ABCC11: variants seen among roughly 807,000 people sequenced by gnomAD.
ABCC11 encodes ATP-binding cassette sub-family C member 11.
In ABCC11, 135 loss-of-function variants were observed where a neutral mutation model predicts 149.3. The ratio of observed to expected loss-of-function variants is 0.90; its 90% CI spans 0.79 to 1.04. The LOEUF (loss-of-function observed/expected upper bound fraction) is 1.04, where lower values mean the gene tolerates loss of function less well. Among genes scored for constraint, ABCC11 ranks in the 50% least tolerant of loss-of-function variants. The pLI, the probability that ABCC11 is intolerant of heterozygous loss-of-function variation, is 0.00. For missense variants in ABCC11, 1,680 were observed against 1,722.1 expected, an observed-to-expected ratio of 0.98 and a Z score of 0.43; for synonymous variants, 665 against 671.4, an observed-to-expected ratio of 0.99 and a Z score of 0.15.
chr16:48,173,117 A>C (rs955968326), intron 26 of ABCC11, among the ~76,000 whole-genome samples: 5 of 152,004 alleles, frequency 3.3e-5, no homozygotes, highest in Non-Finnish European at 7.4e-5. Context: ...AGATGGGTAT[A>C]CTCCTTTCTT....
intron 1 of ABCC11, among the ~76,000 whole-genome samples, chr16:48,237,508 C>T (rs1363814301): frequency 6.6e-6 from 1 of 152,234 alleles, no homozygotes; most frequent in African/African-American, 2.4e-5. Flanking sequence ...CAACTGCAAC[C>T]ACCTCCTGAC....
intron 1 of ABCC11, among the ~76,000 whole-genome samples, chr16:48,235,668 T>C (rs1970652367): frequency 6.6e-6 from 1 of 152,144 alleles, no homozygotes; most frequent in South Asian, 2.1e-4. Context: ...GACTCCCAAT[T>C]CTCTTTCCGG....
Position 48,231,944 on chromosome 16 carries a change from G to A in ABCC11, c.-18-5C>T, listed in dbSNP as rs746625918. 5.4e-5 allele frequency: 87 copies of A among 1,613,618 alleles called. No homozygotes were observed. The highest frequency in any genetic ancestry group is 1.2e-4 in the Admixed American group (7 of 59,948). ...CATTTTCAGTTCCTGCCAATTCTTC[G>A]TTTCCCAGAATCAGAGAATATGAAA... On this transcript the variant is annotated splice_polypyrimidine_tract_variant and splice_region_variant and intron_variant, in intron 1 of 29. Coordinates refer to ENST00000356608, the MANE Select transcript of ABCC11 (RefSeq NM_001370497.1).
In ABCC11 at chr16:48,231,273, A is replaced by G. The variant is rs1157723044; in HGVS notation, c.99+550T>C. 5.3e-5 allele frequency among the ~76,000 whole-genome samples: 8 copies of G among 152,302 alleles called. No individual in the cohort carries two copies. In the South Asian group the frequency reaches 1.0e-3, roughly 20 times the overall value. On this transcript the variant is annotated intron_variant, in intron 2 of 29. Coordinates refer to ENST00000356608, the MANE Select transcript of ABCC11 (RefSeq NM_001370497.1). ...GAGAGATAGATACAATCTAATCTCT[A>G]TATAATATTATGCATAGAGATATGC... is the stretch of plus-strand genomic sequence containing the variant.
At chr16:48,202,750 CTGAGA>C (rs1968101764) in intron 14 of ABCC11, among the ~76,000 whole-genome samples, 1 of 152,136 alleles carries the variant, frequency 6.6e-6, no homozygotes, top group Non-Finnish European at 1.5e-5. Flanking sequence ...GTTCAACAGA[CTGAGA>C]TATTATTAGA....
In ABCC11 at chr16:48,208,924, G is replaced by C. The variant is rs185132049; in HGVS notation, c.1609-428C>G. On this transcript the variant is annotated intron_variant, in intron 11 of 29. Coordinates refer to ENST00000356608, the MANE Select transcript of ABCC11 (RefSeq NM_001370497.1). ...GAAGCATTCATTCACCCATCAAATA[G>C]TGATCTGAGTTTCCTCTATGGACCT... Among the ~76,000 whole-genome samples the C allele has an allele frequency of 7.4e-4, 113 of 152,322 alleles. 1 individual carries two copies. The highest frequency in any genetic ancestry group is 2.2e-3 in the Admixed American group (34 of 15,304).
intron 1 of ABCC11, chr16:48,244,706 C>T: frequency 9.9e-7 from 1 of 1,005,822 alleles, no homozygotes; most frequent in South Asian, 2.7e-5. Context: ...GCCTTGAGCG[C>T]GAGGCTCAGT....
In ABCC11 at chr16:48,208,481, C is replaced by T; in HGVS notation, c.1624G>A (p.Val542Ile). 1 of 1,614,182 alleles carries T rather than the reference C, an allele frequency of 6.2e-7. No individual in the cohort carries two copies. The highest frequency in any genetic ancestry group is 1.1e-5 in the South Asian group (1 of 91,076). The change falls in exon 12 of 30, where the codon GTC becomes ATC. Residue 542 changes from valine to isoleucine, a missense_variant. Coordinates refer to ENST00000356608, the MANE Select transcript of ABCC11 (RefSeq NM_001370497.1). ...TTACCACTCCCCGTGTTGCCGCAGACCCCTAACATCATCCCCTGCAAGCCA... is the reference window on the plus strand; with the variant it reads ...TTACCACTCCCCGTGTTGCCGCAGATCCCTAACATCATCCCCTGCAAGCCA... ...LVVSKGMMLG[V>I]CGNTGSGKSS...
intron 26 of ABCC11, among the ~76,000 whole-genome samples, chr16:48,174,571 G>C (rs1965917923): frequency 6.6e-6 from 1 of 152,206 alleles, no homozygotes; most frequent in South Asian, 2.1e-4. Flanking sequence ...GAAGAGGCTG[G>C]AAGATCTGGT....
intron 1 of ABCC11, among the ~76,000 whole-genome samples, chr16:48,233,307 CA>C (rs1970524623): frequency 1.3e-5 from 2 of 152,194 alleles, no homozygotes; most frequent in South Asian, 4.1e-4. Flanking sequence ...TTCTTTGTCC[CA>C]CTCCTTCCCA....
chr16:48,200,583 C>A, intron 14 of ABCC11, 104 bp from the exon 15 acceptor site: 1 of 1,144,868 alleles, frequency 8.7e-7, no homozygotes, highest in Non-Finnish European at 1.2e-6. Context: ...CAGTACAGAC[C>A]AAGATATGCA....
Position 48,184,474 on chromosome 16 carries a change from G to T in ABCC11, c.3224C>A (p.Ser1075Tyr), listed in dbSNP as rs758398419. 1 of 1,614,222 alleles carries T rather than the reference G, an allele frequency of 6.2e-7. No individual in the cohort carries two copies. Among genetic ancestry groups the T allele is most frequent in the East Asian group, 2.2e-5 (1 of 44,888 alleles). The change falls in exon 23 of 30, where the codon TCC becomes TAC. Residue 1075 changes from serine to tyrosine, a missense_variant. Transcript: ENST00000356608. ...VAFGISSTPY[S>Y]FKVMAVNIVL... ...GATGTTGACAGCCATGACTTTAAAG[G>T]AGTAGGGGGTGGAGGAAATGCCAAA...
In ABCC11 at chr16:48,192,596, C is replaced by A. The variant is rs1236695582; in HGVS notation, c.2630G>T (p.Gly877Val). 2 of 1,614,064 alleles carry A rather than the reference C, an allele frequency of 1.2e-6. No individual in the cohort carries two copies. The highest frequency in any genetic ancestry group is 1.7e-6 in the Non-Finnish European group (2 of 1,180,038). The stretch of plus-strand genomic sequence containing the variant: ...GGTGAAAATCCCTGAGGAGCAGACC[C>A]CCACACAGATGAGGAGCAGGGCGTT... Reference protein sequence around the residue: ...GLNALLLICVGVCSSGIFTKV... With the variant: ...GLNALLLICVVVCSSGIFTKV... The change falls in exon 20 of 30, where the codon GGG becomes GTG. Residue 877 changes from glycine to valine, a missense_variant. Physicochemically the swap from Gly to Val is moderately radical, Grantham distance 109 (BLOSUM62 -3). Transcript: ENST00000356608.
intron 23 of ABCC11, among the ~76,000 whole-genome samples, chr16:48,180,558 A>G (rs780038685): frequency 2.6e-5 from 4 of 152,256 alleles, no homozygotes; most frequent in Non-Finnish European, 5.9e-5. Context: ...AGCCAGATGC[A>G]TCTCTGGCAT....
rs751595128 is a variant in ABCC11, at chr16:48,193,892, T to G, written c.2495A>C (p.Glu832Ala). ...CATGGCACTCACCCCCGAGCCCTGC[T>G]CCAACCAGTAGCTCAGCCACCAGAA... ...FSFWWLSYWL[E>A]QGSGTNSSRE... is the part of the protein sequence containing the mutation. The change falls in exon 19 of 30, where the codon GAG (glutamate) becomes GCG (alanine). Residue 832 changes from glutamate (E) to alanine (A), a missense_variant. Physicochemically the swap from Glu to Ala is moderately radical, Grantham distance 107. Transcript: ENST00000356608. 1.2e-6 allele frequency: 2 copies of G among 1,613,626 alleles called. No homozygotes were observed. The highest frequency in any genetic ancestry group is 1.7e-6 in the Non-Finnish European group (2 of 1,179,744).
chr16:48,188,462 C>T lies in ABCC11; in HGVS notation c.2707-1035G>A, dbSNP rs565295276. Among the ~76,000 whole-genome samples, 7 of 152,310 alleles carry T rather than the reference C, an allele frequency of 4.6e-5. No homozygotes were observed. In the South Asian group the frequency reaches 6.2e-4, roughly 14 times the overall value. On this transcript the variant is annotated intron_variant, in intron 20 of 29. Transcript: ENST00000356608. ...AGCAGCAATCCTACTGGGTTGCACA[C>T]GATTTGGACCCTTGGATCAAATTTA...
intron 5 of ABCC11, 83 bp from the exon 6 acceptor site, chr16:48,222,914 G>A: frequency 4.2e-6 from 5 of 1,192,482 alleles, no homozygotes; most frequent in East Asian, 2.5e-5. Flanking sequence ...AGGGTTGGGA[G>A]GTCTGATTCA....
intron 22 of ABCC11, among the ~76,000 whole-genome samples, chr16:48,184,849 A>T (rs1383729071): frequency 6.6e-6 from 1 of 152,264 alleles, no homozygotes; most frequent in African/African-American, 2.4e-5. Context: ...TCTGCTGCTA[A>T]GGCCCATCCT....
chr16:48,239,256 C>T (rs1970838787), intron 1 of ABCC11, among the ~76,000 whole-genome samples: 1 of 151,968 alleles, frequency 6.6e-6, no homozygotes, highest in Admixed American at 6.6e-5. Flanking sequence ...AAATGTAAAA[C>T]CCAAAACTAT....
Sources: allele counts gnomAD v4.1 joint callset (sites outside exome capture counted in the v4.1 genomes callset), GRCh38; gene constraint gnomAD v4.1.1; transcripts MANE v1.5; gene names NCBI Gene and HGNC (gene_info 2026-07-23, HGNC 2026-07-21).